The following USH2A variants were observed in gnomAD, a reference collection of about 807,000 sequenced individuals.
USH2A encodes the protein usherin.
Under a neutral mutation model 538.9 loss-of-function variants are expected in USH2A, and 443 were observed. The observed-to-expected ratio is 0.82, with a 90% CI of 0.76 to 0.89. The LOEUF (loss-of-function observed/expected upper bound fraction) is 0.89. Among genes scored for constraint, USH2A ranks in the 40% least tolerant of loss-of-function variants. USH2A has a pLI of 0.00. For synonymous variants in USH2A, 2,413 were observed against 2,273.5 expected, an observed-to-expected ratio of 1.06 and a Z score of -1.75; for missense variants, 6,633 against 6,324.8, an observed-to-expected ratio of 1.05 and a Z score of -1.65.
intron 43 of USH2A, among the ~76,000 whole-genome samples, chr1:215,870,960 G>A (rs1421635469): frequency 6.6e-6 from 1 of 152,128 alleles, no homozygotes; most frequent in Admixed American, 6.5e-5. Flanking sequence ...AATACAAAGT[G>A]TGTTCTCTAG....
chr1:216,005,650 A>G (rs576714648), intron 32 of USH2A, among the ~76,000 whole-genome samples: 1 of 152,250 alleles, frequency 6.6e-6, no homozygotes, highest in South Asian at 2.1e-4. Context: ...TTGTTGGGCC[A>G]ATGTAGGGGT....
At chr1:216,031,186 C>T (rs1236907243) in intron 32 of USH2A, among the ~76,000 whole-genome samples, 1 of 151,906 alleles carries the variant, frequency 6.6e-6, no homozygotes, top group Admixed American at 6.6e-5. Flanking sequence ...TACTAAATTT[C>T]CTAAATCAGA....
At position 216,363,004 on chromosome 1, in the gene USH2A, TC is replaced by T. The variant is rs1423973028; in HGVS notation, c.784+1948del. Among the ~76,000 whole-genome samples the T allele has an allele frequency of 1.4e-4, 21 of 151,748 alleles. No homozygotes were observed. In the East Asian group the frequency reaches 3.9e-3, roughly 28 times the overall value. ...TACTGATATAGTTTAGTAATTTTTT[TC>T]AATATATAGCATATATGTTATCTTC... On this transcript the variant is annotated intron_variant, in intron 4 of 71. Coordinates refer to ENST00000307340, the MANE Select transcript of USH2A (RefSeq NM_206933.4).
At chr1:215,707,365 C>T (rs867867123) in intron 61 of USH2A, among the ~76,000 whole-genome samples, 1 of 152,170 alleles carries the variant, frequency 6.6e-6, no homozygotes, top group South Asian at 2.1e-4. Context: ...TTGTCACTCA[C>T]ACTAGATGTA....
intron 35 of USH2A, among the ~76,000 whole-genome samples, chr1:215,988,306 T>C (rs1667920102): frequency 6.6e-6 from 1 of 152,164 alleles, no homozygotes; most frequent in South Asian, 2.1e-4. Context: ...GTGAGTGGCT[T>C]ATTTCATTTA....
chr1:215,831,563 A>G (rs1351780658), intron 47 of USH2A, among the ~76,000 whole-genome samples: 1 of 152,156 alleles, frequency 6.6e-6, no homozygotes, highest in Non-Finnish European at 1.5e-5. Context: ...CTTATCTGAA[A>G]AATCCCCAAA....
chr1:216,057,798 T>G (rs1157927463), intron 30 of USH2A, among the ~76,000 whole-genome samples: 1 of 152,252 alleles, frequency 6.6e-6, no homozygotes, highest in Non-Finnish European at 1.5e-5. Context: ...AATTACTTTT[T>G]ATTTACTTCT....
Position 216,166,217 on chromosome 1 carries a change from G to A in USH2A, c.4627+9035C>T, listed in dbSNP as rs553639006. Among the ~76,000 whole-genome samples, 406 of 152,118 alleles carry A rather than the reference G, an allele frequency of 2.7e-3. 2 individuals are homozygous for A. Among genetic ancestry groups the A allele is most frequent in the Non-Finnish European group, 4.7e-3 (319 of 68,008 alleles). On this transcript the variant is annotated intron_variant, in intron 21 of 71. Coordinates refer to ENST00000307340, the MANE Select transcript of USH2A (RefSeq NM_206933.4). ...TTCATGATGAGTAGCAATTAGCCAG[G>A]TGAAAGGAAAGCGAAGTACTTGCAA...
intron 30 of USH2A, among the ~76,000 whole-genome samples, chr1:216,050,283 G>A (rs963081418): frequency 5.3e-5 from 8 of 152,184 alleles, no homozygotes; most frequent in Admixed American, 4.6e-4. Context: ...ACATGGGCAA[G>A]TTGTTCAGAC....
At chr1:216,149,887 G>C (rs1265185764) in intron 21 of USH2A, among the ~76,000 whole-genome samples, 2 of 152,082 alleles carry the variant, frequency 1.3e-5, no homozygotes, top group Admixed American at 6.5e-5. Flanking sequence ...CACCATTCCA[G>C]AATAAAGCTG....
chr1:216,094,042 C>T (rs1188818767), intron 22 of USH2A, among the ~76,000 whole-genome samples: 1 of 152,150 alleles, frequency 6.6e-6, no homozygotes, highest in Non-Finnish European at 1.5e-5. Context: ...GCTCTATAAA[C>T]AAGTGGTCCT....
chr1:216,300,331 G>A (rs957061981), intron 9 of USH2A, among the ~76,000 whole-genome samples: 18 of 151,968 alleles, frequency 1.2e-4, no homozygotes, highest in African/African-American at 3.1e-4. Flanking sequence ...ATTATGTTTC[G>A]GTTTCTTCTG....
intron 4 of USH2A, among the ~76,000 whole-genome samples, chr1:216,350,662 G>C (rs780056226): frequency 2.0e-5 from 3 of 152,052 alleles, no homozygotes; most frequent in African/African-American, 2.4e-5. Flanking sequence ...GAGCTCCCAA[G>C]GCCTTGGGAA....
intron 30 of USH2A, among the ~76,000 whole-genome samples, chr1:216,068,333 G>T (rs142473289): frequency 2.6e-4 from 40 of 152,218 alleles, no homozygotes; most frequent in African/African-American, 9.1e-4. Context: ...TTAGTGTGTT[G>T]GTTTTTAACA....
chr1:216,057,658 G>T (rs1394051874), intron 30 of USH2A, among the ~76,000 whole-genome samples: 1 of 151,970 alleles, frequency 6.6e-6, no homozygotes, highest in Non-Finnish European at 1.5e-5. Context: ...ATGCACTCCA[G>T]CCTCGGCAAC....
intron 21 of USH2A, among the ~76,000 whole-genome samples, chr1:216,124,055 A>G (rs1414040224): frequency 6.6e-6 from 1 of 152,180 alleles, no homozygotes; most frequent in Non-Finnish European, 1.5e-5. Context: ...CATCAATCAG[A>G]GGAGTTCTGC....
chr1:216,363,193 A>T (rs2038529797), intron 4 of USH2A, among the ~76,000 whole-genome samples: 1 of 152,148 alleles, frequency 6.6e-6, no homozygotes, highest in Admixed American at 6.6e-5. Flanking sequence ...GAGAAAATAT[A>T]GTTTATATAC....
intron 18 of USH2A, 97 bp downstream of exon 18, chr1:216,198,218 C>A: frequency 1.9e-6 from 3 of 1,570,806 alleles, no homozygotes; most frequent in East Asian, 2.3e-5. Flanking sequence ...CTAATTCTTG[C>A]TTTTCAAAAT....
intron 11 of USH2A, among the ~76,000 whole-genome samples, chr1:216,279,416 T>C (rs1285953413): frequency 6.6e-6 from 1 of 152,112 alleles, no homozygotes. Flanking sequence ...CATGTGCTCG[T>C]GAGTACACAC....
Sources: allele counts gnomAD v4.1 joint callset (sites outside exome capture counted in the v4.1 genomes callset), GRCh38; gene constraint gnomAD v4.1.1; transcripts MANE v1.5; gene names NCBI Gene and HGNC (gene_info 2026-07-23, HGNC 2026-07-21).